The following DOC2B variants were observed in gnomAD, a reference collection of about 807,000 sequenced individuals.
DOC2B encodes the protein double C2-like domain-containing protein beta.
In DOC2B, 21 loss-of-function variants were observed where a neutral mutation model predicts 28.9. The observed-to-expected ratio is 0.73, with a 90% CI of 0.52 to 1.05. The LOEUF is 1.05. DOC2B is among the 50% of genes least tolerant of loss of function. DOC2B has a pLI of 0.00. For missense variants in DOC2B, 384 were observed against 421.1 expected, an observed-to-expected ratio of 0.91 and a Z score of 0.77; for synonymous variants, 194 against 178.1, an observed-to-expected ratio of 1.09 and a Z score of -0.71.
rs1555523348 is a variant in DOC2B at position 162,197 on chromosome 17, A to G, written c.529-7T>C. 1.3e-6 allele frequency: 2 copies of G among 1,545,722 alleles called. No homozygotes were observed. The highest frequency in any genetic ancestry group is 2.4e-5 in the South Asian group (2 of 83,922). Reference sequence around the variant, plus strand: ...TTGTTCTGAGCTTATTTGCCTGGAGAAGAGAAAAATGATCTTATTAGCATC... The same window carrying G: ...TTGTTCTGAGCTTATTTGCCTGGAGGAGAGAAAAATGATCTTATTAGCATC... On this transcript the variant is annotated splice_region_variant and splice_polypyrimidine_tract_variant and intron_variant, in intron 3 of 8. Coordinates refer to ENST00000613549, the MANE Select transcript of DOC2B (RefSeq NM_003585.5).
intron 1 of DOC2B, among the ~76,000 whole-genome samples, chr17:179,691 C>T (rs1567541597): frequency 6.6e-6 from 1 of 152,238 alleles, no homozygotes; most frequent in South Asian, 2.1e-4. Context: ...GGATCTAGGG[C>T]ACAGCCCTGA....
intron 2 of DOC2B, among the ~76,000 whole-genome samples, chr17:164,462 C>A (rs1412198699): frequency 6.6e-6 from 1 of 152,168 alleles, no homozygotes; most frequent in Non-Finnish European, 1.5e-5. Context: ...TTGTCCTCAT[C>A]CTGGAAGCCA....
rs1178102572 is a variant in DOC2B at position 143,725 on chromosome 17, A to G, written c.*3716T>C. 6.6e-6 allele frequency: 1 copy of G among 152,082 alleles called. No individual in the cohort carries two copies. The highest frequency in any genetic ancestry group is 1.5e-5 in the Non-Finnish European group (1 of 68,024). 9.4% of individuals were successfully genotyped at this position (152,082 alleles called of 1,614,324 possible). On this transcript the variant is annotated 3_prime_UTR_variant, in exon 9 of 9. Coordinates refer to ENST00000613549, the MANE Select transcript of DOC2B (RefSeq NM_003585.5). The stretch of plus-strand genomic sequence containing the variant: ...ATGACGTTTCCATTTACTTTGGATT[A>G]TATGTCATTATAAATATTAACAAAT...
At chr17:172,789 C>T (rs965206702) in intron 1 of DOC2B, among the ~76,000 whole-genome samples, 173 bp from the exon 2 acceptor site, 1 of 152,226 alleles carries the variant, frequency 6.6e-6, no homozygotes, top group Non-Finnish European at 1.5e-5. Context: ...CAGTCCCACC[C>T]AACCCTGGGA....
In DOC2B at chr17:145,377, T is replaced by C. The variant is rs998043812; in HGVS notation, c.*2064A>G. 3 of 152,296 alleles carry C rather than the reference T, an allele frequency of 2.0e-5. No individual in the cohort carries two copies. The highest frequency in any genetic ancestry group is 2.9e-5 in the Non-Finnish European group (2 of 68,126). The allele number at this position is 152,296 out of a possible 1,614,324, so 9.4% of individuals were successfully genotyped here. On this transcript the variant is annotated 3_prime_UTR_variant, in exon 9 of 9. Coordinates refer to ENST00000613549, the MANE Select transcript of DOC2B (RefSeq NM_003585.5). ...CCTGGTTCACCCCTTCCTGGCTGTG[T>C]GGCCTTGGCAAACTACTCAGACTCT...
Position 168,722 on chromosome 17 carries a change from A to G in DOC2B, c.453+3815T>C, listed in dbSNP as rs147361386. 5.0e-4 allele frequency among the ~76,000 whole-genome samples: 75 copies of G among 148,542 alleles called. 6 individuals carry two copies. Among genetic ancestry groups the G allele is most frequent in the African/African-American group, 1.8e-3 (68 of 38,422 alleles). Reference sequence around the variant, plus strand: ...ATCTCATGGTCTGACACTCTTCTTGAGGTAGTGAATACATCTCACGAGATC... The same window carrying G: ...ATCTCATGGTCTGACACTCTTCTTGGGGTAGTGAATACATCTCACGAGATC... On this transcript the variant is annotated intron_variant, in intron 2 of 8. Coordinates refer to ENST00000613549, the MANE Select transcript of DOC2B (RefSeq NM_003585.5).
chr17:151,393 A>G (rs572177956), intron 6 of DOC2B, among the ~76,000 whole-genome samples: 16 of 152,352 alleles, frequency 1.1e-4, no homozygotes, highest in African/African-American at 3.8e-4. Context: ...TAATCTTTGC[A>G]GTATATTTAC....
intron 6 of DOC2B, among the ~76,000 whole-genome samples, chr17:150,609 T>C (rs1337637589): frequency 3.3e-5 from 5 of 152,336 alleles, no homozygotes; most frequent in South Asian, 4.1e-4. Context: ...TATTTTAAAA[T>C]TGTGACTTTC....
At position 181,457 on chromosome 17, in the gene DOC2B, TC is replaced by T; in HGVS notation, c.22del (p.Glu8ArgfsTer146). On this transcript the variant is annotated frameshift_variant, in exon 1 of 9. Coordinates refer to ENST00000613549, the MANE Select transcript of DOC2B (RefSeq NM_003585.5). LOFTEE classifies it high-confidence loss of function. The surrounding 1 kb of genome is among the most constrained non-coding windows in gnomAD (Gnocchi z 7.0). MTLRRRG[E>X]KATISIQEHM... ...CTCCTGGATGCTGATGGTCGCCTTC[TC>T]CCCGCGCCGCCGGAGGGTCATGCAG... 2.7e-6 allele frequency: 3 copies of T among 1,131,826 alleles called. No homozygotes were observed. Among genetic ancestry groups the T allele is most frequent in the Non-Finnish European group, 2.2e-6 (2 of 913,198 alleles). 70.1% of individuals were successfully genotyped at this position (1,131,826 alleles called of 1,614,324 possible).
chr17:148,343 G>A (rs1354925088), intron 7 of DOC2B, 74 bp from the exon 8 acceptor site: 1 of 398,540 alleles, frequency 2.5e-6, no homozygotes, highest in South Asian at 1.3e-4. Context: ...GGGGTATGAG[G>A]TGTAGGGACA....
In DOC2B at chr17:161,299, T is replaced by C. The variant is rs1597824406; in HGVS notation, c.765+116A>G. 5.4e-5 allele frequency: 60 copies of C among 1,115,646 alleles called. No individual in the cohort carries two copies. The East Asian group carries it at 1.5e-3, about 27-fold the overall frequency. 69.1% of individuals were successfully genotyped at this position (1,115,646 alleles called of 1,614,324 possible). Reference sequence around the variant, plus strand: ...TGACTCTCCATGCTCACCTCCCCGGTCTCCCCTCCCCTCTCACTCTGCCCC... The same window carrying C: ...TGACTCTCCATGCTCACCTCCCCGGCCTCCCCTCCCCTCTCACTCTGCCCC... On this transcript the variant is annotated intron_variant, in intron 5 of 8. Transcript: ENST00000613549.
intron 7 of DOC2B, 150 bp from the exon 8 acceptor site, chr17:148,419 C>G: frequency 2.5e-6 from 1 of 396,854 alleles, no homozygotes; most frequent in Non-Finnish European, 4.4e-6. Context: ...GTCTCGCCCA[C>G]TTCCCCCTGA....
Position 164,353 on chromosome 17 carries a change from A to T in DOC2B, c.454-149T>A, listed in dbSNP as rs556856285. 6.3e-6 allele frequency: 4 copies of T among 633,826 alleles called. No individual in the cohort carries two copies. In the South Asian group the frequency reaches 7.4e-5, roughly 12 times the overall value. 39.3% of individuals were successfully genotyped at this position (633,826 alleles called of 1,614,324 possible). ...CCCCGGGCCCCACACCTCCAGATGG[A>T]GGGAGTGAGGATGGCTCAACGCTGA... is the stretch of plus-strand genomic sequence containing the variant. On this transcript the variant is annotated intron_variant, in intron 2 of 8. Transcript: ENST00000613549.
intron 6 of DOC2B, among the ~76,000 whole-genome samples, chr17:155,641 T>C (rs1203468999): frequency 6.6e-6 from 1 of 152,214 alleles, no homozygotes; most frequent in Non-Finnish European, 1.5e-5. Flanking sequence ...AGCTCCTGCC[T>C]GGCTCTCAGA....
At chr17:177,741 A>G (rs1202494338) in intron 1 of DOC2B, among the ~76,000 whole-genome samples, 1 of 152,244 alleles carries the variant, frequency 6.6e-6, no homozygotes, top group Non-Finnish European at 1.5e-5. Flanking sequence ...CATCGAGTGC[A>G]TTACAAATAT....
At chr17:150,489 G>GAACA (rs1555521708) in intron 6 of DOC2B, among the ~76,000 whole-genome samples, 2 of 123,786 alleles carry the variant, frequency 1.6e-5, no homozygotes, top group Non-Finnish European at 3.5e-5. Flanking sequence ...CTCCAGAAAG[G>GAACA]CTGCATGGTT....
At chr17:149,007 G>T in intron 7 of DOC2B, 104 bp downstream of exon 7, 2 of 393,024 alleles carry the variant, frequency 5.1e-6, no homozygotes, top group South Asian at 1.3e-4. Flanking sequence ...CACCGTCTCT[G>T]ACCACCCTCC....
intron 6 of DOC2B, among the ~76,000 whole-genome samples, chr17:149,516 C>A (rs1197051591): frequency 1.3e-5 from 2 of 152,110 alleles, no homozygotes; most frequent in African/African-American, 2.4e-5. Flanking sequence ...CATTTCCCAC[C>A]AGAACAGAGT....
chr17:148,621 C>A (rs891463907), intron 7 of DOC2B, among the ~76,000 whole-genome samples: 1 of 152,144 alleles, frequency 6.6e-6, no homozygotes, highest in Non-Finnish European at 1.5e-5. Flanking sequence ...CCCTTCCATC[C>A]GGGGTTCCCC....
Sources: allele counts gnomAD v4.1 joint callset (sites outside exome capture counted in the v4.1 genomes callset), GRCh38; gene constraint gnomAD v4.1.1; non-coding constraint Gnocchi (gnomAD v3.1); transcripts MANE v1.5; gene names NCBI Gene and HGNC (gene_info 2026-07-23, HGNC 2026-07-21).